The following CCNJL variants were observed in gnomAD, a reference collection of about 807,000 sequenced individuals.
CCNJL encodes the protein cyclin-J-like protein.
A neutral mutation model predicts 33.4 loss-of-function variants in CCNJL; 33 were observed. That is an observed-to-expected ratio of 0.99 (90% CI 0.75 to 1.32). The LOEUF is 1.32. CCNJL is among the 40% of genes most tolerant of loss of function. The pLI is 0.00. For synonymous variants in CCNJL, 227 were observed against 220.9 expected, an observed-to-expected ratio of 1.03 and a Z score of -0.24; for missense variants, 512 against 499.7, an observed-to-expected ratio of 1.02 and a Z score of -0.23.
At chr5:160,254,202 G>T (rs1760952061) in intron 5 of CCNJL, 2 of 517,396 alleles carry the variant, frequency 3.9e-6, no homozygotes, top group East Asian at 6.4e-5. Flanking sequence ...AGTGTTCCTG[G>T]GGCCTGAATG....
intron 1 of CCNJL, among the ~76,000 whole-genome samples, chr5:160,321,012 C>CTCTCTTTCTT (rs1561812740): frequency 1.5e-4 from 11 of 71,992 alleles, no homozygotes; most frequent in Non-Finnish European, 2.3e-4. Context: ...CTCTCTCTCT[C>CTCTCTTTCTT]TCTTTCTTTC....
intron 1 of CCNJL, among the ~76,000 whole-genome samples, chr5:160,335,118 T>C (rs1763666682): frequency 6.6e-6 from 1 of 152,014 alleles, no homozygotes; most frequent in Non-Finnish European, 1.5e-5. Flanking sequence ...CAGCAATTAG[T>C]CAGGTGTGGT....
chr5:160,268,248 G>A (rs1761689447), intron 3 of CCNJL, among the ~76,000 whole-genome samples: 1 of 152,248 alleles, frequency 6.6e-6, no homozygotes, highest in Non-Finnish European at 1.5e-5. Flanking sequence ...TGCTCTGGCA[G>A]GCTGTTTTTA....
intron 1 of CCNJL, chr5:160,326,720 G>A (rs1450586203): frequency 3.3e-6 from 3 of 918,448 alleles, no homozygotes; most frequent in Non-Finnish European, 5.3e-6. Context: ...GGGCCAGAAA[G>A]TGCAGAAGGT....
intron 2 of CCNJL, among the ~76,000 whole-genome samples, chr5:160,288,829 TAAAA>T (rs33916362): frequency 3.4e-5 from 3 of 89,536 alleles, no homozygotes; most frequent in Non-Finnish European, 4.5e-5. Context: ...AGACTCTGTC[TAAAA>T]AAAAAAAAAA....
intron 4 of CCNJL, chr5:160,258,644 A>G: frequency 1.0e-6 from 1 of 972,474 alleles, no homozygotes; most frequent in Non-Finnish European, 1.7e-6. Context: ...AACCTGAAAC[A>G]ATCTTAAGAA....
intron 2 of CCNJL, among the ~76,000 whole-genome samples, chr5:160,294,317 T>G (rs1762682336): frequency 6.6e-6 from 1 of 152,178 alleles, no homozygotes; most frequent in Admixed American, 6.5e-5. Flanking sequence ...GGGTGGCCCG[T>G]GTCACATAAG....
intron 2 of CCNJL, 22 bp from the exon 3 acceptor site, chr5:160,280,760 G>C: frequency 6.5e-7 from 1 of 1,527,240 alleles, no homozygotes; most frequent in South Asian, 1.2e-5. Flanking sequence ...GCGGGGCGGA[G>C]GGGTGACGGT....
chr5:160,318,088 C>T (rs1470714853), intron 1 of CCNJL, among the ~76,000 whole-genome samples: 2 of 151,788 alleles, frequency 1.3e-5, no homozygotes, highest in Non-Finnish European at 2.9e-5. Flanking sequence ...ACAATCTCGG[C>T]TCACTGCAAC....
intron 2 of CCNJL, among the ~76,000 whole-genome samples, chr5:160,305,322 T>C (rs753239422): frequency 6.6e-6 from 1 of 152,196 alleles, no homozygotes; most frequent in Non-Finnish European, 1.5e-5. Context: ...TATCCAGCTG[T>C]CAGAGTTCGG....
chr5:160,295,848 A>G (rs918475292), intron 2 of CCNJL, among the ~76,000 whole-genome samples: 3 of 152,232 alleles, frequency 2.0e-5, no homozygotes, highest in Non-Finnish European at 4.4e-5. Flanking sequence ...GAGAGAATAA[A>G]GCCCCAAGTT....
intron 1 of CCNJL, among the ~76,000 whole-genome samples, chr5:160,321,531 C>A (rs554192638): frequency 2.6e-5 from 4 of 152,194 alleles, no homozygotes; most frequent in African/African-American, 9.7e-5. Context: ...CGGTCGCAGC[C>A]GCTCAGCTGA....
At chr5:160,270,528 G>T (rs554771642) in intron 3 of CCNJL, among the ~76,000 whole-genome samples, 47 of 151,926 alleles carry the variant, frequency 3.1e-4, no homozygotes, top group African/African-American at 1.1e-3. Flanking sequence ...AGGGAGCCGT[G>T]ATCATGCTAC....
At position 160,253,708 on chromosome 5, in the gene CCNJL, C is replaced by T. The variant is rs773004663; in HGVS notation, c.834G>A (p.Val278=). Residue 278 remains valine, a synonymous_variant, in exon 6 of 6, where the codon GTG becomes GTA. Transcript: ENST00000257536. ...VPGTPPTPTQ[V]LFQPPAYPAL... ...CCGGGTAGGCTGGTGGCTGGAACAG[C>T]ACTTGAGTGGGGGTGGGGGGTGTGC... 2 of 1,600,318 alleles carry T rather than the reference C, an allele frequency of 1.2e-6. No individual in the cohort carries two copies. The highest frequency in any genetic ancestry group is 1.7e-6 in the Non-Finnish European group (2 of 1,173,550).
In CCNJL at chr5:160,324,347, C is replaced by T. The variant is rs371550901; in HGVS notation, n.207-8842G>A. ...CAGCACTTTGGGAGGCCGAGGCAGG[C>T]GGATCACCTGAGGTCAGGAGTTCTA... On this transcript the variant is annotated intron_variant and non_coding_transcript_variant, in intron 1 of 7. Coordinates refer to the CCNJL transcript ENST00000377503. Among the ~76,000 whole-genome samples the T allele has an allele frequency of 3.3e-5, 5 of 151,992 alleles. No homozygotes were observed. The East Asian group carries it at 7.7e-4, about 24-fold the overall frequency.
chr5:160,291,379 T>C (rs1179965985), intron 2 of CCNJL, among the ~76,000 whole-genome samples: 1 of 152,210 alleles, frequency 6.6e-6, no homozygotes, highest in African/African-American at 2.4e-5. Flanking sequence ...CATCGCATAC[T>C]ACATTGCTCC....
intron 2 of CCNJL, among the ~76,000 whole-genome samples, chr5:160,284,939 G>A (rs757857600): frequency 6.6e-6 from 1 of 151,626 alleles, no homozygotes; most frequent in Non-Finnish European, 1.5e-5. Context: ...AAGTCATGGA[G>A]CTCGGCTGGG....
intron 5 of CCNJL, chr5:160,254,428 G>C (rs563996432): frequency 3.7e-6 from 2 of 539,978 alleles, no homozygotes; most frequent in African/African-American, 3.9e-5. Context: ...GGCATGCACC[G>C]ACACTCAGAC....
chr5:160,282,996 T>TACACAC (rs1762282870), intron 2 of CCNJL, among the ~76,000 whole-genome samples: 1 of 58,172 alleles, frequency 1.7e-5, no homozygotes, highest in African/African-American at 8.1e-5. Context: ...TATATATATA[T>TACACAC]ATATATATAT....
Sources: gnomAD v4.1 joint callset for allele counts (sites outside exome capture counted in the v4.1 genomes callset) on GRCh38, gnomAD v4.1.1 for gene constraint, MANE v1.5 for transcripts, NCBI Gene and HGNC (gene_info 2026-07-23, HGNC 2026-07-21) for gene names.